GAREM1: variants seen among roughly 807,000 people sequenced by gnomAD.
GAREM1 encodes GRB2-associated and regulator of MAPK protein 1.
GAREM1 carries 26 observed loss-of-function variants against 71.3 expected under a neutral mutation model. The ratio of observed to expected loss-of-function variants is 0.36; its 90% confidence interval spans 0.27 to 0.51. The LOEUF (loss-of-function observed/expected upper bound fraction) is 0.51. GAREM1 is among the 20% of genes least tolerant of loss of function. GAREM1 has a pLI of 0.95. For missense variants in GAREM1, 1,026 were observed against 1,103.1 expected (o/e 0.93, Z 0.99); for synonymous variants, 440 against 433.2 (o/e 1.02, Z -0.20).
At chr18:32,332,300 G>A (rs2047544004) in intron 2 of GAREM1, among the ~76,000 whole-genome samples, 1 of 151,842 alleles carries the variant, frequency 6.6e-6, no homozygotes, top group African/African-American at 2.4e-5. Context: ...CCTGAATGCT[G>A]GTGTTCATTC....
In GAREM1 at chr18:32,407,983, T is replaced by TAAAA. The variant is rs1483597542; in HGVS notation, c.122-14952_122-14949dup. Among the ~76,000 whole-genome samples, 168 of 150,514 alleles carry TAAAA rather than the reference T, an allele frequency of 1.1e-3. 1 individual carries two copies. The East Asian group carries it at 0.018, about 16-fold the overall frequency. ...AAACTAGAGTTTTGTCTTTTTTTTT[T>TAAAA]AAAAAAAAACTAACTCTACTAAAGG... is the stretch of plus-strand genomic sequence containing the variant. On this transcript the variant is annotated intron_variant, in intron 1 of 5. Transcript: ENST00000269209.
chr18:32,306,064 T>C (rs2047253000), intron 3 of GAREM1, among the ~76,000 whole-genome samples: 1 of 152,224 alleles, frequency 6.6e-6, no homozygotes, highest in African/African-American at 2.4e-5. Context: ...TGTACTGTCC[T>C]GGTTAACTCA....
At chr18:32,383,208 C>A (rs1385556507) in intron 2 of GAREM1, among the ~76,000 whole-genome samples, 1 of 152,204 alleles carries the variant, frequency 6.6e-6, no homozygotes, top group Non-Finnish European at 1.5e-5. Context: ...AAAATCAACA[C>A]AGACACGTCT....
intron 2 of GAREM1, among the ~76,000 whole-genome samples, chr18:32,392,331 C>A (rs755367961): frequency 6.6e-6 from 1 of 152,026 alleles, no homozygotes; most frequent in Non-Finnish European, 1.5e-5. Context: ...TTATATGGCA[C>A]TATTGCATTG....
At position 32,355,091 on chromosome 18, in the gene GAREM1, G is replaced by A. The variant is rs892178736; in HGVS notation, c.262+37804C>T. ...AATCCATCTTTTCAAAGAATGTGCT[G>A]AGAATTTGAAAGTAGGGTAGCTGGT... On this transcript the variant is annotated intron_variant, in intron 2 of 5. Transcript: ENST00000269209. Among the ~76,000 whole-genome samples, 21 of 152,208 alleles carry A rather than the reference G, an allele frequency of 1.4e-4. 2 individuals are homozygous for A. The highest frequency in any genetic ancestry group is 1.2e-3 in the Admixed American group (19 of 15,276).
chr18:32,418,761 G>T (rs1388456242), intron 1 of GAREM1, among the ~76,000 whole-genome samples: 2 of 152,104 alleles, frequency 1.3e-5, no homozygotes, highest in Middle Eastern at 3.2e-3. Flanking sequence ...ACGCAACAGT[G>T]GCTCTTAAGG....
rs56880937 is a variant in GAREM1, at chr18:32,283,245, T to TA, written c.1566+3785dup. ...GAGAGGTTAGTGTCAGTGTTTTGTT[T>TA]AAAAAATTATTAAACATGGCTGGGC... On this transcript the variant is annotated intron_variant, in intron 4 of 5. Coordinates refer to ENST00000269209, the MANE Select transcript of GAREM1 (RefSeq NM_001242409.2). Among the ~76,000 whole-genome samples, 1,003 of 152,272 alleles carry TA rather than the reference T, an allele frequency of 6.6e-3. 18 individuals are homozygous for TA. Among genetic ancestry groups the TA allele is most frequent in the African/African-American group, 0.022 (927 of 41,558 alleles).
At chr18:32,317,027 G>A (rs1051678197) in intron 2 of GAREM1, among the ~76,000 whole-genome samples, 28 of 152,132 alleles carry the variant, frequency 1.8e-4, no homozygotes, top group Admixed American at 9.2e-4. Flanking sequence ...CTTTATTTAC[G>A]AAAACAGGCC....
intron 2 of GAREM1, among the ~76,000 whole-genome samples, chr18:32,324,024 A>G (rs1454537289): frequency 1.3e-5 from 2 of 152,200 alleles, no homozygotes; most frequent in Non-Finnish European, 2.9e-5. Context: ...ACAAATAAAC[A>G]TGATTTCAAC....
At position 32,266,250 on chromosome 18, in the gene GAREM1, C is replaced by A. The variant is rs904854215; in HGVS notation, c.*1621G>T. On this transcript the variant is annotated 3_prime_UTR_variant, in exon 6 of 6. Coordinates refer to ENST00000269209, the MANE Select transcript of GAREM1 (RefSeq NM_001242409.2). The stretch of plus-strand genomic sequence containing the variant: ...TGCCAAGAAATAAAGACACATTTCA[C>A]AGGTCTACAAAACTAGACTGGTGGG... 6.6e-6 allele frequency: 1 copy of A among 152,086 alleles called. No homozygotes were observed. Among genetic ancestry groups the A allele is most frequent in the African/African-American group, 2.4e-5 (1 of 41,394 alleles). The allele number at this position is 152,086 out of a possible 1,614,324, so 9.4% of individuals were successfully genotyped here.
intron 1 of GAREM1, among the ~76,000 whole-genome samples, chr18:32,427,548 G>T (rs1346565978): frequency 6.6e-6 from 1 of 152,106 alleles, no homozygotes; most frequent in Non-Finnish European, 1.5e-5. Context: ...ACTATCAGAA[G>T]CATCGACAGA....
At chr18:32,277,245 A>T (rs559343938) in intron 4 of GAREM1, among the ~76,000 whole-genome samples, 1 of 152,312 alleles carries the variant, frequency 6.6e-6, no homozygotes, top group Admixed American at 6.5e-5. Flanking sequence ...TACTGGTTTG[A>T]AGAAGGCATG....
chr18:32,431,295 A>G (rs1452475281), intron 1 of GAREM1, among the ~76,000 whole-genome samples: 1 of 152,194 alleles, frequency 6.6e-6, no homozygotes, highest in Non-Finnish European at 1.5e-5. Context: ...TATTCATGCT[A>G]TAACGGTCCA....
At chr18:32,380,474 T>TAAA (rs35881689) in intron 2 of GAREM1, among the ~76,000 whole-genome samples, 101 of 92,426 alleles carry the variant, frequency 1.1e-3, no homozygotes, top group African/African-American at 3.9e-3. Flanking sequence ...AGACTTCATT[T>TAAA]AAAAAAAAAA....
chr18:32,450,956 T>C (rs767251685), intron 1 of GAREM1, among the ~76,000 whole-genome samples: 5 of 151,816 alleles, frequency 3.3e-5, no homozygotes, highest in Non-Finnish European at 7.4e-5. Flanking sequence ...AGACCAGCCT[T>C]GGCAACATAA....
intron 2 of GAREM1, among the ~76,000 whole-genome samples, chr18:32,367,382 C>T (rs956249435): frequency 3.9e-5 from 6 of 152,158 alleles, no homozygotes; most frequent in Non-Finnish European, 7.3e-5. Context: ...ATAAACTTGT[C>T]TAAGACTAAG....
At chr18:32,431,658 G>C (rs2048626284) in intron 1 of GAREM1, among the ~76,000 whole-genome samples, 1 of 151,950 alleles carries the variant, frequency 6.6e-6, no homozygotes, top group African/African-American at 2.4e-5. Context: ...AGGAATAATG[G>C]CTAAAAACTC....
chr18:32,381,233 C>T (rs2048094909), intron 2 of GAREM1, among the ~76,000 whole-genome samples: 1 of 152,034 alleles, frequency 6.6e-6, no homozygotes, highest in African/African-American at 2.4e-5. Flanking sequence ...TCTAGAGGTC[C>T]AATATCTGAC....
intron 1 of GAREM1, among the ~76,000 whole-genome samples, chr18:32,396,396 T>TA (rs1415117774): frequency 1.3e-5 from 2 of 152,204 alleles, no homozygotes; most frequent in South Asian, 4.2e-4. Flanking sequence ...GCAAAGGAGA[T>TA]AAAAACCTTG....
Sources: allele counts gnomAD v4.1 joint callset (sites outside exome capture counted in the v4.1 genomes callset), GRCh38; gene constraint gnomAD v4.1.1; transcripts MANE v1.5; gene names NCBI Gene and HGNC (gene_info 2026-07-23, HGNC 2026-07-21).